Variants in GRIN3A observed in about 807,000 individuals in gnomAD.
The protein encoded by GRIN3A is glutamate ionotropic receptor NMDA type subunit 3A, also known as glutamate receptor ionotropic, NMDA 3A.
Under a neutral mutation model 92.4 loss-of-function variants are expected in GRIN3A, and 47 were observed. The ratio of observed to expected loss-of-function variants is 0.51; its 90% CI spans 0.40 to 0.65. The LOEUF (loss-of-function observed/expected upper bound fraction) is 0.65. Ranked by LOEUF, GRIN3A falls within the 30% of genes least tolerant of loss-of-function variation. The probability of loss-of-function intolerance (pLI) is 0.00; values close to 1 mark genes in which losing one functional copy is unlikely to be tolerated. For synonymous variants in GRIN3A, 527 were observed against 540.6 expected (o/e 0.97, Z 0.35); for missense variants, 1,324 against 1,393.1 (o/e 0.95, Z 0.79).
At position 101,738,074 on chromosome 9, in the gene GRIN3A, G is replaced by T. The variant is rs1830242581; in HGVS notation, c.-95C>A. ...AGGTCTCCGCCTCCAGGTCCCGCGCGCAGCTTCACTCCACTCGGTGAAGCG... is the reference window on the plus strand; with the variant it reads ...AGGTCTCCGCCTCCAGGTCCCGCGCTCAGCTTCACTCCACTCGGTGAAGCG... On this transcript the variant is annotated 5_prime_UTR_variant, in exon 1 of 9. Coordinates refer to ENST00000361820, the MANE Select transcript of GRIN3A (RefSeq NM_133445.3). The T allele has an allele frequency of 5.7e-6, 6 of 1,051,030 alleles. No homozygotes were observed. The highest frequency in any genetic ancestry group is 3.1e-5 in the African/African-American group (2 of 63,762). The allele number at this position is 1,051,030 out of a possible 1,614,324, so 65.1% of individuals were successfully genotyped here. A position where few individuals can be genotyped will look rare whatever the true frequency, so the allele number is the denominator to read the frequency against.
intron 6 of GRIN3A, among the ~76,000 whole-genome samples, chr9:101,604,789 G>A (rs1828256074): frequency 6.6e-6 from 1 of 152,140 alleles, no homozygotes; most frequent in Non-Finnish European, 1.5e-5. Context: ...AGATAAACTG[G>A]TCAGAAAAAA....
At chr9:101,611,516 G>C (rs532326813) in intron 6 of GRIN3A, among the ~76,000 whole-genome samples, 18 of 152,274 alleles carry the variant, frequency 1.2e-4, no homozygotes, top group African/African-American at 4.3e-4. Flanking sequence ...TACGCTATTT[G>C]TCCCAGTACA....
intron 3 of GRIN3A, among the ~76,000 whole-genome samples, chr9:101,656,362 G>T (rs1829088361): frequency 6.6e-6 from 1 of 151,948 alleles, no homozygotes; most frequent in Admixed American, 6.6e-5. Flanking sequence ...CCCAGATGCT[G>T]GGAGAAGGCC....
At chr9:101,631,884 T>C (rs1258842215) in intron 3 of GRIN3A, among the ~76,000 whole-genome samples, 1 of 152,196 alleles carries the variant, frequency 6.6e-6, no homozygotes, top group African/African-American at 2.4e-5. Context: ...ACATATTCCC[T>C]TTCTTCCTTT....
intron 1 of GRIN3A, among the ~76,000 whole-genome samples, chr9:101,694,911 C>A (rs946154614): frequency 6.6e-6 from 1 of 152,164 alleles, no homozygotes; most frequent in Admixed American, 6.6e-5. Flanking sequence ...TTGGTCAGAA[C>A]TTCAGAGAGT....
At chr9:101,708,562 G>A (rs920687102) in intron 1 of GRIN3A, among the ~76,000 whole-genome samples, 6 of 152,124 alleles carry the variant, frequency 3.9e-5, no homozygotes, top group African/African-American at 1.2e-4. Flanking sequence ...TAGGAAATAC[G>A]TATATGATCC....
intron 1 of GRIN3A, among the ~76,000 whole-genome samples, chr9:101,725,567 G>A (rs1456889711): frequency 6.6e-6 from 1 of 152,164 alleles, no homozygotes; most frequent in Non-Finnish European, 1.5e-5. Flanking sequence ...ACAATTTCAA[G>A]TTAGAAATTC....
At position 101,687,151 on chromosome 9, in the gene GRIN3A, G is replaced by T; in HGVS notation, c.749C>A (p.Ala250Asp). ...LSLENSLSSD[A>D]DVTVSILTMN... ...GGTCAGGATTGAGACAGTGACATCAGCATCAGAACTTAATGAATTTTCTAA... is the reference window on the plus strand; with the variant it reads ...GGTCAGGATTGAGACAGTGACATCATCATCAGAACTTAATGAATTTTCTAA... The change falls in exon 2 of 9, where the codon GCT becomes GAT. Residue 250 changes from alanine to aspartate, a missense_variant. Physicochemically the swap from Ala to Asp is moderately radical, Grantham distance 126 (BLOSUM62 -2). Coordinates refer to ENST00000361820, the MANE Select transcript of GRIN3A (RefSeq NM_133445.3). The T allele has an allele frequency of 1.2e-6, 2 of 1,613,626 alleles. No homozygotes were observed. Among genetic ancestry groups the T allele is most frequent in the Non-Finnish European group, 1.7e-6 (2 of 1,179,534 alleles).
intron 6 of GRIN3A, among the ~76,000 whole-genome samples, chr9:101,587,031 C>G (rs373166891): frequency 6.6e-6 from 1 of 152,136 alleles, no homozygotes; most frequent in African/African-American, 2.4e-5. Context: ...CTGTTGCAGC[C>G]GGGCGCAGTG....
chr9:101,693,244 AAT>A (rs3082770), intron 1 of GRIN3A, among the ~76,000 whole-genome samples: 3,260 of 128,256 alleles, frequency 0.025, 42 homozygotes, highest in South Asian at 0.045. Context: ...TCTCAGCTAA[AAT>A]ATATATATAT....
chr9:101,678,833 C>T (rs1378459685), intron 2 of GRIN3A, among the ~76,000 whole-genome samples: 3 of 152,316 alleles, frequency 2.0e-5, no homozygotes, highest in South Asian at 4.1e-4. Flanking sequence ...AACTGGCAAG[C>T]TGGCACTTTT....
At chr9:101,594,607 G>T (rs774049465) in intron 6 of GRIN3A, 2 of 1,614,196 alleles carry the variant, frequency 1.2e-6, no homozygotes, top group Non-Finnish European at 1.7e-6. Flanking sequence ...TGGAAATGTA[G>T]CCATCTTTAT....
At chr9:101,631,057 T>C (rs1828704895) in intron 3 of GRIN3A, among the ~76,000 whole-genome samples, 1 of 152,200 alleles carries the variant, frequency 6.6e-6, no homozygotes, top group Admixed American at 6.5e-5. Context: ...ACAGTACATA[T>C]ACCTATCTTT....
intron 3 of GRIN3A, among the ~76,000 whole-genome samples, chr9:101,652,402 G>A (rs1238881203): frequency 2.6e-5 from 4 of 151,896 alleles, no homozygotes; most frequent in African/African-American, 7.2e-5. Flanking sequence ...CCCTATGAAA[G>A]TTAGAAGAAA....
At chr9:101,727,009 A>T (rs1010665771) in intron 1 of GRIN3A, among the ~76,000 whole-genome samples, 11 of 152,216 alleles carry the variant, frequency 7.2e-5, no homozygotes, top group African/African-American at 2.7e-4. Context: ...GACAGGGGAA[A>T]AAAACAAGGA....
intron 6 of GRIN3A, among the ~76,000 whole-genome samples, chr9:101,582,677 G>A (rs924907396): frequency 1.3e-5 from 2 of 152,214 alleles, no homozygotes; most frequent in East Asian, 1.9e-4. Context: ...GATTCAGTGA[G>A]TTATTGCTGT....
At chr9:101,574,111 G>C (rs1377087398) in intron 8 of GRIN3A, among the ~76,000 whole-genome samples, 1 of 151,948 alleles carries the variant, frequency 6.6e-6, no homozygotes, top group South Asian at 2.1e-4. Flanking sequence ...GGTCAGGTCC[G>C]ATGCTTAAAA....
intron 3 of GRIN3A, among the ~76,000 whole-genome samples, chr9:101,660,714 C>T (rs909663800): frequency 9.2e-5 from 14 of 151,852 alleles, no homozygotes; most frequent in African/African-American, 3.4e-4. Flanking sequence ...AGACACCAAA[C>T]AGAGCTGTCC....
chr9:101,628,311 C>T lies in GRIN3A; in HGVS notation c.2443G>A (p.Glu815Lys). 1 of 1,614,010 alleles carries T rather than the reference C, an allele frequency of 6.2e-7. No individual in the cohort carries two copies. The highest frequency in any genetic ancestry group is 1.6e-4 in the Middle Eastern group (1 of 6,062). The change falls in exon 4 of 9, where the codon GAA (glutamate) becomes AAA (lysine). Residue 815 changes from glutamate to lysine, a missense_variant. Coordinates refer to ENST00000361820, the MANE Select transcript of GRIN3A (RefSeq NM_133445.3). ...YVRQSFPEMH[E>K]YMRRYNVPAT... ...GGAACATTGTACCTTCTCATATATT[C>T]ATGCATCTCTGGGAAACTTTGTCTC...
Sources: allele counts gnomAD v4.1 joint callset (sites outside exome capture counted in the v4.1 genomes callset), GRCh38; gene constraint gnomAD v4.1.1; transcripts MANE v1.5; gene names NCBI Gene and HGNC (gene_info 2026-07-23, HGNC 2026-07-21).